RSPH14: variants seen among roughly 807,000 people sequenced by gnomAD.
RSPH14 encodes the protein rhabdoid tumor deletion region gene 1.
In RSPH14, 20 loss-of-function variants were observed where a neutral mutation model predicts 26.7. That is an observed-to-expected ratio of 0.75 (90% CI 0.53 to 1.09). The LOEUF is 1.09. Among genes scored for constraint, RSPH14 ranks in the 50% least tolerant of loss-of-function variants. RSPH14 has a pLI of 0.00. For missense variants in RSPH14, 449 were observed against 457.2 expected (o/e 0.98, Z 0.16); for synonymous variants, 177 against 189.3 (o/e 0.93, Z 0.53).
At chr22:23,146,496 G>T, upstream of RSPH14, 1 of 1,453,704 alleles carries the variant, frequency 6.9e-7, no homozygotes, top group Non-Finnish European at 9.1e-7. Context: ...ACAGGCATGA[G>T]CCACTGCACC....
chr22:23,153,134 TG>T, the RSPH14 span: 1 of 1,612,762 alleles, frequency 6.2e-7, no homozygotes, highest in South Asian at 1.1e-5. Context: ...AGCCTCCAGA[TG>T]TAAGTTGCTG....
chr22:23,117,728 G>A (rs2069891966), intron 4 of RSPH14, among the ~76,000 whole-genome samples: 1 of 152,232 alleles, frequency 6.6e-6, no homozygotes, highest in South Asian at 2.1e-4. Context: ...TACAGATGAG[G>A]AAACTGAGGC....
the RSPH14 span, among the ~76,000 whole-genome samples, chr22:23,150,840 G>A: frequency 1.1e-4 from 17 of 152,162 alleles, no homozygotes; most frequent in Admixed American, 7.9e-4. Context: ...CTGGACTGGG[G>A]AGGGTACCCC....
chr22:23,093,637 T>A (rs999442626), intron 4 of RSPH14, among the ~76,000 whole-genome samples: 3 of 152,188 alleles, frequency 2.0e-5, no homozygotes, highest in Admixed American at 2.0e-4. Context: ...GACGCTTTAC[T>A]CTTCACAGAT....
At chr22:23,114,499 C>T (rs547508341) in intron 4 of RSPH14, among the ~76,000 whole-genome samples, 5 of 152,244 alleles carry the variant, frequency 3.3e-5, no homozygotes, top group South Asian at 2.1e-4. Flanking sequence ...CCAGTCAAAA[C>T]GTCCTGCTCT....
At chr22:23,061,596 C>G (rs1444838688) in intron 6 of RSPH14, among the ~76,000 whole-genome samples, 1 of 151,944 alleles carries the variant, frequency 6.6e-6, no homozygotes, top group Non-Finnish European at 1.5e-5. Flanking sequence ...ATGTGAGTGA[C>G]TGGTGAGGGG....
chr22:23,087,129 T>C (rs1413838125), intron 4 of RSPH14, among the ~76,000 whole-genome samples: 1 of 152,156 alleles, frequency 6.6e-6, no homozygotes. Context: ...TGGGAGCTGA[T>C]GTAGGGACGG....
chr22:23,126,091 T>C (rs773475431), intron 4 of RSPH14, among the ~76,000 whole-genome samples: 19 of 152,242 alleles, frequency 1.2e-4, no homozygotes, highest in Non-Finnish European at 1.5e-4. Context: ...ACGTGTGACT[T>C]AAAATCGTTG....
intron 4 of RSPH14, among the ~76,000 whole-genome samples, chr22:23,103,279 A>G (rs1294219973): frequency 1.3e-5 from 2 of 151,154 alleles, no homozygotes; most frequent in African/African-American, 4.9e-5. Context: ...AAACAGTTCT[A>G]CTCCTCCCCA....
At chr22:23,127,572 T>G (rs1370891392) in intron 4 of RSPH14, among the ~76,000 whole-genome samples, 1 of 152,128 alleles carries the variant, frequency 6.6e-6, no homozygotes, top group African/African-American at 2.4e-5. Flanking sequence ...GGGTGGCTGC[T>G]GAAGAGGGAC....
chr22:23,126,676 C>G (rs2070190959), intron 4 of RSPH14, among the ~76,000 whole-genome samples: 1 of 152,234 alleles, frequency 6.6e-6, no homozygotes, highest in Admixed American at 6.5e-5. Flanking sequence ...AGCACCAGGA[C>G]TCACCAAGGT....
At chr22:23,063,218 C>T (rs1322601793) in intron 5 of RSPH14, among the ~76,000 whole-genome samples, 4 of 152,162 alleles carry the variant, frequency 2.6e-5, no homozygotes, top group African/African-American at 9.7e-5. Context: ...GGTCCGGGGC[C>T]CCACTTGCAG....
intron 4 of RSPH14, among the ~76,000 whole-genome samples, chr22:23,091,679 G>A (rs897490966): frequency 1.3e-5 from 2 of 151,544 alleles, no homozygotes; most frequent in South Asian, 4.2e-4. Flanking sequence ...CACCACAGTG[G>A]ACCTGCATAC....
At chr22:23,089,786 G>A (rs1433887368) in intron 4 of RSPH14, among the ~76,000 whole-genome samples, 1 of 152,150 alleles carries the variant, frequency 6.6e-6, no homozygotes, top group African/African-American at 2.4e-5. Flanking sequence ...TTCCTGAGTG[G>A]GCTCAGGGCT....
intron 4 of RSPH14, chr22:23,124,814 G>A (rs980361488): frequency 6.4e-6 from 1 of 155,954 alleles, no homozygotes; most frequent in African/African-American, 2.4e-5. Context: ...CGTTCGCCAA[G>A]GGCCGTGTGT....
intron 4 of RSPH14, among the ~76,000 whole-genome samples, chr22:23,089,144 G>A (rs140128633): frequency 1.3e-5 from 2 of 152,316 alleles, no homozygotes; most frequent in Admixed American, 6.5e-5. Flanking sequence ...CTGGACTGCC[G>A]TCTCTGAGGA....
At position 23,080,064 on chromosome 22, in the gene RSPH14, G is replaced by A. The variant is rs75247958; in HGVS notation, c.422-15931C>T. On this transcript the variant is annotated intron_variant, in intron 4 of 6. Transcript: ENST00000216036. ...TGGGGAGCCAGGAGCCTGGGGCTAC[G>A]GCTCTCTCCAAGGCAGCAACCTCTT... 4.1e-3 allele frequency among the ~76,000 whole-genome samples: 617 copies of A among 152,290 alleles called. 4 individuals carry two copies. Among genetic ancestry groups the A allele is most frequent in the African/African-American group, 0.014 (573 of 41,552 alleles).
chr22:23,103,600 A>G (rs1238613161), intron 4 of RSPH14, among the ~76,000 whole-genome samples: 1 of 152,236 alleles, frequency 6.6e-6, no homozygotes, highest in Non-Finnish European at 1.5e-5. Context: ...CTTCCTCGGC[A>G]GATTTAAGAG....
At position 23,130,059 on chromosome 22, in the gene RSPH14, AAAAG is replaced by A. The variant is rs200720313; in HGVS notation, c.421+3963_421+3966del. 5.4e-3 allele frequency among the ~76,000 whole-genome samples: 710 copies of A among 131,204 alleles called. 10 individuals carry two copies. Among genetic ancestry groups the A allele is most frequent in the African/African-American group, 0.017 (553 of 31,638 alleles). 86.1% of individuals were successfully genotyped at this position (131,204 alleles called of 152,430 possible). A position where few individuals can be genotyped will look rare whatever the true frequency, so the allele number is the denominator to read the frequency against. On this transcript the variant is annotated intron_variant, in intron 4 of 6. Coordinates refer to ENST00000216036, the MANE Select transcript of RSPH14 (RefSeq NM_014433.3). Reference sequence around the variant, plus strand: ...GAAGGGAGAGAAAGAAAGAGAAAGAAAAAGAAAGAAAGAAAGAAAGAAAGGAAGA... The same window carrying A: ...GAAGGGAGAGAAAGAAAGAGAAAGAAAAAGAAAGAAAGAAAGAAAGGAAGA...
Sources: allele counts gnomAD v4.1 joint callset (sites outside exome capture counted in the v4.1 genomes callset), GRCh38; gene constraint gnomAD v4.1.1; transcripts MANE v1.5; gene names NCBI Gene and HGNC (gene_info 2026-07-23, HGNC 2026-07-21).